The following COQ8A variants were observed in gnomAD, a reference collection of about 807,000 sequenced individuals.
COQ8A encodes the protein atypical kinase COQ8A, mitochondrial.
In COQ8A, 51 loss-of-function variants were observed where a neutral mutation model predicts 65.0. That is an observed-to-expected ratio of 0.78 (90% confidence interval 0.63 to 0.99). COQ8A has a LOEUF of 0.99. COQ8A is among the 50% of genes least tolerant of loss of function. COQ8A has a pLI of 0.00. For missense variants in COQ8A, 940 were observed against 875.0 expected (o/e 1.07, Z -0.94); for synonymous variants, 371 against 353.2 (o/e 1.05, Z -0.57).
rs1038187750 is a variant in COQ8A, at chr1:226,949,977, T to C, written c.-10+9578T>C. Among the ~76,000 whole-genome samples the C allele has an allele frequency of 6.6e-5, 10 of 152,206 alleles. No individual in the cohort carries two copies. Among genetic ancestry groups the C allele is most frequent in the African/African-American group, 2.4e-4 (10 of 41,448 alleles). On this transcript the variant is annotated intron_variant, in intron 1 of 14. Coordinates refer to ENST00000366777, the MANE Select transcript of COQ8A (RefSeq NM_020247.5). This position sits in a 1 kb window ranked among gnomAD's most constrained non-coding sequence, Gnocchi z 4.0. The stretch of plus-strand genomic sequence containing the variant: ...CAGAGCATCTTAACCATGTCACCAG[T>C]ATCACTTCCTGAGCCAAATATTTTA...
rs200115323 is a variant in COQ8A, at chr1:226,984,904, G to A, written c.1535G>A (p.Arg512Gln). 4.2e-5 allele frequency: 68 copies of A among 1,614,100 alleles called. No homozygotes were observed. In the Admixed American group the frequency reaches 5.2e-4, roughly 12 times the overall value. Residue 512 changes from arginine (R) to glutamine (Q), a missense_variant, in exon 13 of 15, where the codon CGG becomes CAG. Arg to Gln is a conservative substitution (Grantham distance 43). Transcript: ENST00000366777. ...GCTCTTTTGGATTTTGGGGCAACGC[G>A]GGAATATGACAGATCCTTCACCGAC... is the stretch of plus-strand genomic sequence containing the variant. Reference protein sequence around the residue: ...KVALLDFGATREYDRSFTDLY... With the variant: ...KVALLDFGATQEYDRSFTDLY...
At chr1:226,958,657 T>A (rs1229848664) in intron 1 of COQ8A, among the ~76,000 whole-genome samples, 1 of 152,232 alleles carries the variant, frequency 6.6e-6, no homozygotes, top group Non-Finnish European at 1.5e-5. Flanking sequence ...GTTTCATGCC[T>A]GGCTAGTGGA....
Position 226,982,664 on chromosome 1 carries a change from C to T in COQ8A, c.854-14C>T. ...ATCCCCAGGTTCGCCCTGTGTCATT[C>T]TCCTGCCTTCCAGATGATGCCTTTA... On this transcript the variant is annotated splice_polypyrimidine_tract_variant and intron_variant, in intron 6 of 14. Transcript: ENST00000366777. 1 of 1,612,574 alleles carries T rather than the reference C, an allele frequency of 6.2e-7. No homozygotes were observed. Among genetic ancestry groups the T allele is most frequent in the African/African-American group, 1.3e-5 (1 of 75,020 alleles).
At chr1:226,977,790 G>T (rs1659332725) in intron 5 of COQ8A, among the ~76,000 whole-genome samples, 1 of 151,610 alleles carries the variant, frequency 6.6e-6, no homozygotes, top group Non-Finnish European at 1.5e-5. Flanking sequence ...ACATCCACAC[G>T]CCTTCTGCAC....
At chr1:226,967,163 G>A (rs1314907296) in intron 4 of COQ8A, among the ~76,000 whole-genome samples, 1 of 152,156 alleles carries the variant, frequency 6.6e-6, no homozygotes, top group Non-Finnish European at 1.5e-5. Context: ...TGCCTTGGTG[G>A]CCTCTAGTGG....
rs890930417 is a variant in COQ8A at position 226,943,680 on chromosome 1, A to G, written c.-10+3281A>G. ...TTAGTTTTAGACATGATGGGAGCCT[A>G]TGGGACTTCTTTCCATCCTGTTTGA... On this transcript the variant is annotated intron_variant, in intron 1 of 14. Transcript: ENST00000366777. Among the ~76,000 whole-genome samples, 53 of 152,126 alleles carry G rather than the reference A, an allele frequency of 3.5e-4. 2 individuals are homozygous for G. The highest frequency in any genetic ancestry group is 3.5e-3 in the Admixed American group (53 of 15,274).
intron 1 of COQ8A, among the ~76,000 whole-genome samples, chr1:226,954,259 T>C (rs1262714274): frequency 6.6e-6 from 1 of 152,244 alleles, no homozygotes. Context: ...AAGGGGCAGG[T>C]GGAAGACTTC....
intron 5 of COQ8A, among the ~76,000 whole-genome samples, chr1:226,981,202 T>TAG (rs1659662702): frequency 6.6e-6 from 1 of 152,226 alleles, no homozygotes; most frequent in Admixed American, 6.5e-5. Flanking sequence ...GGCCTCTGTC[T>TAG]GCCTCTGGAT....
intron 1 of COQ8A, among the ~76,000 whole-genome samples, chr1:226,959,011 C>T (rs1034423988): frequency 6.6e-6 from 1 of 152,076 alleles, no homozygotes; most frequent in African/African-American, 2.4e-5. Flanking sequence ...GATGAAAATA[C>T]CTCCTGGTGT....
At chr1:226,942,703 T>C (rs1656778349) in intron 1 of COQ8A, among the ~76,000 whole-genome samples, 1 of 152,204 alleles carries the variant, frequency 6.6e-6, no homozygotes, top group South Asian at 2.1e-4. Flanking sequence ...CGTATGTGTA[T>C]TTTTACACAG....
chr1:226,977,794 T>G (rs1489126689), intron 5 of COQ8A, among the ~76,000 whole-genome samples: 2 of 151,718 alleles, frequency 1.3e-5, no homozygotes, highest in Non-Finnish European at 2.9e-5. Context: ...CCACACGCCT[T>G]CTGCACACCT....
chr1:226,983,762 C>T lies in COQ8A; in HGVS notation c.1164C>T (p.Gly388=). The change falls in exon 10 of 15, where the codon GGC becomes GGT. Residue 388 remains glycine (G), a splice_region_variant and synonymous_variant. Transcript: ENST00000366777. ...CTGATGCCCTCCTCCCTGGCCCAGG[C>T]CTGTTCCCCGAGCACCTGATCGACG... is the stretch of plus-strand genomic sequence containing the variant. ...VLNMSNMLPE[G]LFPEHLIDVL... 1.2e-6 allele frequency: 2 copies of T among 1,613,156 alleles called. No homozygotes were observed. The highest frequency in any genetic ancestry group is 1.7e-6 in the Non-Finnish European group (2 of 1,179,992).
intron 1 of COQ8A, among the ~76,000 whole-genome samples, chr1:226,960,030 G>T (rs935834617): frequency 6.6e-6 from 1 of 151,382 alleles, no homozygotes; most frequent in Non-Finnish European, 1.5e-5. Flanking sequence ...GGTGGTGGTG[G>T]TGGTAGTGGT....
At position 226,984,364 on chromosome 1, in the gene COQ8A, C is replaced by T. The variant is rs1659937333; in HGVS notation, c.1398+129C>T. The stretch of plus-strand genomic sequence containing the variant: ...CTGGGGGTGAGGGGCAGTGAAGTAG[C>T]ACCAGTGGGACTTAGGGGGACACAG... On this transcript the variant is annotated intron_variant, in intron 11 of 14. Coordinates refer to ENST00000366777, the MANE Select transcript of COQ8A (RefSeq NM_020247.5). The T allele has an allele frequency of 9.8e-6, 14 of 1,433,494 alleles. No homozygotes were observed. In the South Asian group the frequency reaches 1.5e-4, roughly 16 times the overall value. The allele number at this position is 1,433,494 out of a possible 1,614,324, so 88.8% of individuals were successfully genotyped here.
intron 5 of COQ8A, 127 bp downstream of exon 5, chr1:226,977,650 A>T: frequency 9.6e-7 from 1 of 1,045,770 alleles, no homozygotes; most frequent in African/African-American, 1.6e-5. Context: ...GGTTCCACGT[A>T]AGTGGCGTCC....
chr1:226,980,238 C>T (rs953428648), intron 5 of COQ8A, among the ~76,000 whole-genome samples: 6 of 152,248 alleles, frequency 3.9e-5, no homozygotes, highest in South Asian at 2.1e-4. Context: ...GGCCCATCCC[C>T]ACTTGCCAGG....
At position 226,984,630 on chromosome 1, in the gene COQ8A, T is replaced by A; in HGVS notation, c.1481T>A (p.Phe494Tyr). 5 of 1,614,098 alleles carry A rather than the reference T, an allele frequency of 3.1e-6. No individual in the cohort carries two copies. Among genetic ancestry groups the A allele is most frequent in the Non-Finnish European group, 4.2e-6 (5 of 1,179,970 alleles). Residue 494 changes from phenylalanine (F) to tyrosine (Y), a missense_variant, in exon 12 of 15, where the codon TTC becomes TAC. Transcript: ENST00000366777. ...CAAACAGACCCCAACTGGTCCAACT[T>A]CTTCTATGACCCCCAGCAGCACAAG... ...FMQTDPNWSN[F>Y]FYDPQQHKVA...
rs533286221 is a variant in COQ8A, at chr1:226,962,814, T to A, written c.177+1252T>A. 1.3e-4 allele frequency among the ~76,000 whole-genome samples: 20 copies of A among 152,356 alleles called. No homozygotes were observed. The East Asian group carries it at 3.9e-3, about 29-fold the overall frequency. On this transcript the variant is annotated intron_variant, in intron 2 of 14. Coordinates refer to ENST00000366777, the MANE Select transcript of COQ8A (RefSeq NM_020247.5). ...TCTCCCCCGAGCCTCACCACTGTCC[T>A]GGGATGGGGGCCAGCCTGGACCATC... is the stretch of plus-strand genomic sequence containing the variant.
intron 12 of COQ8A, 61 bp from the exon 13 acceptor site, chr1:226,984,815 C>T: frequency 6.3e-7 from 1 of 1,576,564 alleles, no homozygotes. Flanking sequence ...CCCTTCCCGG[C>T]CCCACACACC....
Sources: allele counts gnomAD v4.1 joint callset (sites outside exome capture counted in the v4.1 genomes callset), GRCh38; gene constraint gnomAD v4.1.1; non-coding constraint Gnocchi (gnomAD v3.1); transcripts MANE v1.5; gene names NCBI Gene and HGNC (gene_info 2026-07-23, HGNC 2026-07-21).